SLC4A4: variants seen among roughly 807,000 people sequenced by gnomAD.
SLC4A4 encodes the protein electrogenic sodium bicarbonate cotransporter 1.
Under a neutral mutation model 111.5 loss-of-function variants are expected in SLC4A4, and 27 were observed. That is an observed-to-expected ratio of 0.24 (90% confidence interval 0.18 to 0.33). The LOEUF is 0.33. Among genes scored for constraint, SLC4A4 ranks in the 10% least tolerant of loss-of-function variants. The pLI, the probability that SLC4A4 is intolerant of heterozygous loss-of-function variation, is 1.00. For missense variants in SLC4A4, 909 were observed against 1,315.5 expected (o/e 0.69, Z 4.78); for synonymous variants, 443 against 463.4 (o/e 0.96, Z 0.57).
intron 3 of SLC4A4, among the ~76,000 whole-genome samples, chr4:71,299,761 T>C (rs1358545081): frequency 6.6e-6 from 1 of 152,130 alleles, no homozygotes; most frequent in Non-Finnish European, 1.5e-5. Context: ...TCCGTGGCAG[T>C]TGGTCCTTCC....
intron 18 of SLC4A4, among the ~76,000 whole-genome samples, chr4:71,536,869 T>G (rs1298064232): frequency 6.6e-6 from 1 of 151,808 alleles, no homozygotes; most frequent in African/African-American, 2.4e-5. Context: ...GGAGATATAG[T>G]TTTGATATTG....
intron 7 of SLC4A4, among the ~76,000 whole-genome samples, chr4:71,419,995 CTT>C (rs1722261263): frequency 6.6e-6 from 1 of 152,242 alleles, no homozygotes; most frequent in Admixed American, 6.5e-5. Flanking sequence ...CGGAGAATGA[CTT>C]TGACGAGTTG....
chr4:71,325,979 G>A (rs1452056486), intron 3 of SLC4A4, among the ~76,000 whole-genome samples: 1 of 151,850 alleles, frequency 6.6e-6, no homozygotes, highest in African/African-American at 2.4e-5. Context: ...AGGTGAAAAT[G>A]AAGTTTGAGG....
chr4:71,267,645 T>C (rs377073554), intron 3 of SLC4A4, among the ~76,000 whole-genome samples: 129 of 151,754 alleles, frequency 8.5e-4, no homozygotes, highest in African/African-American at 2.9e-3. Context: ...AATATGAAAA[T>C]TAGCTGGGTG....
chr4:71,465,544 T>C (rs1396901986), intron 12 of SLC4A4, among the ~76,000 whole-genome samples: 1 of 150,846 alleles, frequency 6.6e-6, no homozygotes, highest in Non-Finnish European at 1.5e-5. Flanking sequence ...ACGATAACTT[T>C]TGCACCAACC....
At chr4:71,425,080 T>C (rs1053610465) in intron 7 of SLC4A4, among the ~76,000 whole-genome samples, 3 of 152,274 alleles carry the variant, frequency 2.0e-5, no homozygotes, top group Non-Finnish European at 4.4e-5. Context: ...CATTTCCTAG[T>C]TCGGCAACCA....
chr4:71,063,729 C>A (rs1485894445), intron 1 of SLC4A4, among the ~76,000 whole-genome samples: 1 of 152,048 alleles, frequency 6.6e-6, no homozygotes, highest in East Asian at 1.9e-4. Flanking sequence ...GTTTGAGAGA[C>A]ACTTGCATTG....
At chr4:71,389,548 C>T (rs1312351288) in intron 6 of SLC4A4, among the ~76,000 whole-genome samples, 1 of 152,152 alleles carries the variant, frequency 6.6e-6, no homozygotes, top group Non-Finnish European at 1.5e-5. Context: ...TTTCCCTCTG[C>T]TCAACGACAG....
chr4:71,455,610 A>G (rs530992897), intron 12 of SLC4A4, among the ~76,000 whole-genome samples: 14 of 152,312 alleles, frequency 9.2e-5, no homozygotes, highest in Admixed American at 9.2e-4. Flanking sequence ...GAGGGCGGTA[A>G]GAACAAAACT....
At chr4:71,082,888 C>T (rs1352431126) in intron 1 of SLC4A4, among the ~76,000 whole-genome samples, 1 of 150,120 alleles carries the variant, frequency 6.7e-6, no homozygotes, top group Non-Finnish European at 1.5e-5. Flanking sequence ...GAGTCTAGCT[C>T]TGTCACCCAG....
chr4:71,156,905 T>C lies in SLC4A4; in HGVS notation c.-2+64113T>C, dbSNP rs116078479. Among the ~76,000 whole-genome samples the C allele has an allele frequency of 3.0e-3, 458 of 152,304 alleles. 1 individual carries two copies. Among genetic ancestry groups the C allele is most frequent in the Non-Finnish European group, 4.9e-3 (332 of 68,026 alleles). On this transcript the variant is annotated intron_variant, in intron 2 of 26. Coordinates refer to the SLC4A4 transcript ENST00000649996. ...TTATTCAGCTCATGCTTAGGAGTTT[T>C]ATTTTTACAAAGTGATTTACGATCA...
intron 3 of SLC4A4, among the ~76,000 whole-genome samples, chr4:71,323,659 C>A (rs1727288748): frequency 6.6e-6 from 1 of 151,996 alleles, no homozygotes; most frequent in Non-Finnish European, 1.5e-5. Context: ...AATTCTCTGG[C>A]ATGTGATATG....
intron 6 of SLC4A4, among the ~76,000 whole-genome samples, chr4:71,386,507 G>T (rs1238874126): frequency 6.6e-6 from 1 of 151,764 alleles, no homozygotes; most frequent in Non-Finnish European, 1.5e-5. Flanking sequence ...ATGTTTTCTG[G>T]CTCTTTGCCC....
At chr4:71,154,238 G>T (rs879747273) in intron 2 of SLC4A4, among the ~76,000 whole-genome samples, 2 of 152,138 alleles carry the variant, frequency 1.3e-5, no homozygotes, top group Non-Finnish European at 2.9e-5. Flanking sequence ...GCTCTTCAAA[G>T]GCTTGGTATT....
chr4:71,449,563 C>A (rs1725573654), intron 9 of SLC4A4, among the ~76,000 whole-genome samples: 1 of 152,174 alleles, frequency 6.6e-6, no homozygotes, highest in African/African-American at 2.4e-5. Flanking sequence ...TTTAAAAATT[C>A]TTTTCCTAGA....
chr4:71,126,254 T>C (rs190070114), intron 2 of SLC4A4, among the ~76,000 whole-genome samples: 1 of 152,342 alleles, frequency 6.6e-6, no homozygotes, highest in Non-Finnish European at 1.5e-5. Context: ...TTTGAACTAA[T>C]AAATACTAGT....
rs147020171 is a variant in SLC4A4, at chr4:71,309,132, A to C, written c.254-30238A>C. Among the ~76,000 whole-genome samples, 471 of 152,308 alleles carry C rather than the reference A, an allele frequency of 3.1e-3. 2 individuals are homozygous for C. Among genetic ancestry groups the C allele is most frequent in the African/African-American group, 9.7e-3 (404 of 41,576 alleles). Reference sequence around the variant, plus strand: ...GGACGTAACTCAACACAGCACAGCAAAGTGGCTGTGGCTAGACTGCCTTTC... The same window carrying C: ...GGACGTAACTCAACACAGCACAGCACAGTGGCTGTGGCTAGACTGCCTTTC... On this transcript the variant is annotated intron_variant, in intron 3 of 25. Coordinates refer to ENST00000264485, the MANE Select transcript of SLC4A4 (RefSeq NM_001098484.3).
chr4:71,143,797 G>GT (rs1297331876), intron 2 of SLC4A4, among the ~76,000 whole-genome samples: 1 of 152,094 alleles, frequency 6.6e-6, no homozygotes, highest in Non-Finnish European at 1.5e-5. Context: ...GGTGTTGTTT[G>GT]TTTTTTTCTT....
At chr4:71,558,856 C>T (rs1409542013) in intron 22 of SLC4A4, among the ~76,000 whole-genome samples, 1 of 151,216 alleles carries the variant, frequency 6.6e-6, no homozygotes, top group African/African-American at 2.4e-5. Context: ...TCTTTCTTTC[C>T]TTTTTTTAAA....
Sources: allele counts gnomAD v4.1 joint callset (sites outside exome capture counted in the v4.1 genomes callset), GRCh38; gene constraint gnomAD v4.1.1; transcripts MANE v1.5; gene names NCBI Gene and HGNC (gene_info 2026-07-23, HGNC 2026-07-21).